TRIM64C: variants seen among roughly 807,000 people sequenced by gnomAD.
TRIM64C encodes the protein tripartite motif containing 64C, also known as tripartite motif-containing protein 64C.
In TRIM64C, 25 loss-of-function variants were observed where a neutral mutation model predicts 36.1. The observed-to-expected ratio is 0.69, with a 90% CI of 0.51 to 0.97. The LOEUF (loss-of-function observed/expected upper bound fraction) is 0.97. TRIM64C is among the 50% of genes least tolerant of loss of function. The pLI, the probability that TRIM64C is intolerant of heterozygous loss-of-function variation, is 0.00. For missense variants in TRIM64C, 489 were observed against 536.8 expected (o/e 0.91, Z 0.88); for synonymous variants, 212 against 185.7 (o/e 1.14, Z -1.15).
intron 3 of TRIM64C, among the ~76,000 whole-genome samples, chr11:49,056,751 C>T (rs1481658407): frequency 6.6e-6 from 1 of 151,864 alleles, no homozygotes; most frequent in Admixed American, 6.5e-5. Flanking sequence ...GCCGCTTTGA[C>T]AAACCTTGCC....
Position 49,056,310 on chromosome 11 carries a change from C to A in TRIM64C, c.761+49G>T, listed in dbSNP as rs766327060. 18 of 1,451,392 alleles carry A rather than the reference C, an allele frequency of 1.2e-5. No individual in the cohort carries two copies. In the East Asian group the frequency reaches 4.3e-4, roughly 34 times the overall value. The allele number at this position is 1,451,392 out of a possible 1,614,324, so 89.9% of individuals were successfully genotyped here. A position where few individuals can be genotyped will look rare whatever the true frequency, so the allele number is the denominator to read the frequency against. On this transcript the variant is annotated intron_variant, in intron 4 of 5. Transcript: ENST00000617704. Reference sequence around the variant, plus strand: ...AAAATGTATACATCCCCTTCATTCACAAGAGAACAAATTTTTCAGAAATAG... The same window carrying A: ...AAAATGTATACATCCCCTTCATTCAAAAGAGAACAAATTTTTCAGAAATAG...
In TRIM64C at chr11:49,057,377, T is replaced by C. The variant is rs1854825882; in HGVS notation, c.509A>G (p.Asp170Gly). ...QETSKFCSLV[D>G]YVSLRKVIIT... ...TATCACCTTCCTTAATGACACATAG[T>C]CCTGCAGAGACGTTTGGTTAAAAGG... Residue 170 changes from aspartate to glycine, a missense_variant and splice_region_variant, in exon 3 of 6, where the codon GAC (aspartate) becomes GGC (glycine). Asp to Gly is a moderately conservative substitution (Grantham distance 94). Coordinates refer to ENST00000617704, the MANE Select transcript of TRIM64C (RefSeq NM_001206631.1). 21 of 1,549,630 alleles carry C rather than the reference T, an allele frequency of 1.4e-5. No individual in the cohort carries two copies. Among genetic ancestry groups the C allele is most frequent in the Non-Finnish European group, 1.8e-5 (21 of 1,146,870 alleles).
At position 49,058,860 on chromosome 11, in the gene TRIM64C, T is replaced by G; in HGVS notation, c.253A>C (p.Ile85Leu). The G allele has an allele frequency of 6.5e-7, 1 of 1,549,742 alleles. No homozygotes were observed. The highest frequency in any genetic ancestry group is 8.7e-7 in the Non-Finnish European group (1 of 1,146,926). The change falls in exon 1 of 6, where the codon ATC becomes CTC. Residue 85 changes from isoleucine (I) to leucine (L), a missense_variant. Transcript: ENST00000617704. ...ACACAGATATTGTCTGAGCTGTTGA[T>G]GTTCTGAGGTCTGGTCTGTCTGGCT... is the stretch of plus-strand genomic sequence containing the variant. ...SLARQTRPQN[I>L]NSSDNICVLH...
intron 2 of TRIM64C, chr11:49,057,805 G>T (rs1004587803): frequency 1.9e-6 from 1 of 516,236 alleles, no homozygotes; most frequent in Non-Finnish European, 3.6e-6. Flanking sequence ...CTTAGTGAAA[G>T]GTTGTCTCAT....
chr11:49,056,337 A>T (rs767081421), intron 4 of TRIM64C, 22 bp downstream of exon 4: 3 of 1,527,716 alleles, frequency 2.0e-6, no homozygotes, highest in Non-Finnish European at 2.7e-6. Flanking sequence ...CAGAAATAGC[A>T]TTTTTTTTAG....
In TRIM64C at chr11:49,058,121, T is replaced by A. The variant is rs1228611895; in HGVS notation, c.464A>T (p.Gln155Leu). 2.6e-6 allele frequency: 4 copies of A among 1,528,834 alleles called. No homozygotes were observed. Among genetic ancestry groups the A allele is most frequent in the Non-Finnish European group, 3.5e-6 (4 of 1,144,514 alleles). 94.7% of individuals were successfully genotyped at this position (1,528,834 alleles called of 1,614,324 possible). The change falls in exon 2 of 6, where the codon CAA (glutamine) becomes CTA (leucine). Residue 155 changes from glutamine to leucine, a missense_variant. Transcript: ENST00000617704. ...GCTAGTTTCCTGATTTAGATTGTTT[T>A]GTGTCTCTTGATTGATTTTCCATAA... is the stretch of plus-strand genomic sequence containing the variant. ...DYLWKINQET[Q>L]NNLNQETSKF...
chr11:49,053,819 TC>T lies in TRIM64C; in HGVS notation c.1247del (p.Gly416AspfsTer3), dbSNP rs1253749086. 6.4e-7 allele frequency: 1 copy of T among 1,551,524 alleles called. No homozygotes were observed. Among genetic ancestry groups the T allele is most frequent in the East Asian group, 2.4e-5 (1 of 40,910 alleles). On this transcript the variant is annotated frameshift_variant, in exon 6 of 6. Transcript: ENST00000617704. LOFTEE classifies it low-confidence loss of function (END_TRUNC). ...WVGVFLDYDN[G>X]SVSFFDVSKG... Reference sequence around the variant, plus strand: ...TAGAAACATCAAAAAAACTCACAGATCCATTATCATAATCCAGAAACACCCC... The same window carrying T: ...TAGAAACATCAAAAAAACTCACAGATCATTATCATAATCCAGAAACACCCC...
Position 49,057,166 on chromosome 11 carries a change from A to C in TRIM64C, c.720T>G (p.Pro240=), listed in dbSNP as rs781383075. 1.2e-5 allele frequency: 18 copies of C among 1,549,296 alleles called. No homozygotes were observed. The South Asian group carries it at 2.0e-4, about 17-fold the overall frequency. ...TCCTCACCTGGAGCAGCTCCACGTC[A>C]GGCATGTGGTATGTCTCCCACAGCT... ...YRELWETYHM[P]DVELLQDVGN... Residue 240 remains proline (P), a synonymous_variant, in exon 3 of 6, where the codon CCT becomes CCG. Transcript: ENST00000617704.
intron 5 of TRIM64C, among the ~76,000 whole-genome samples, chr11:49,054,754 C>G (rs1343244766): frequency 1.3e-5 from 2 of 152,158 alleles, no homozygotes; most frequent in East Asian, 3.9e-4. Flanking sequence ...GACTTGCTCT[C>G]TAGAATGGGC....
rs1283127328 is a variant in TRIM64C at position 49,059,029 on chromosome 11, A to T, written c.84T>A (p.Thr28=). 1.9e-6 allele frequency: 3 copies of T among 1,552,176 alleles called. No homozygotes were observed. Among genetic ancestry groups the T allele is most frequent in the East Asian group, 2.4e-5 (1 of 41,074 alleles). The change falls in exon 1 of 6, where the codon ACT becomes ACA. Residue 28 remains threonine (T), a synonymous_variant. Coordinates refer to ENST00000617704, the MANE Select transcript of TRIM64C (RefSeq NM_001206631.1). The stretch of plus-strand genomic sequence containing the variant: ...GCCTGCAAAAGCTGTGCACACAGTC[A>T]GTGGTGACCGGGTCTATGAAGTAGT... ...CVNYFIDPVT[T]DCVHSFCRPC...
chr11:49,055,473 A>T (rs551851178), intron 4 of TRIM64C, 66 bp from the exon 5 acceptor site: 18 of 1,514,140 alleles, frequency 1.2e-5, no homozygotes, highest in Non-Finnish European at 1.6e-5. Flanking sequence ...TCATATGAAG[A>T]TATCATATTT....
chr11:49,059,038 C>A lies in TRIM64C; in HGVS notation c.75G>T (p.Pro25=). The change falls in exon 1 of 6, where the codon CCG becomes CCT. Residue 25 remains proline (P), a synonymous_variant. Coordinates refer to ENST00000617704, the MANE Select transcript of TRIM64C (RefSeq NM_001206631.1). Reference sequence around the variant, plus strand: ...AGCTGTGCACACAGTCAGTGGTGACCGGGTCTATGAAGTAGTTCACGCAAA... The same window carrying A: ...AGCTGTGCACACAGTCAGTGGTGACAGGGTCTATGAAGTAGTTCACGCAAA... ...CCICVNYFID[P]VTTDCVHSFC... 6.4e-7 allele frequency: 1 copy of A among 1,552,334 alleles called. No homozygotes were observed. Among genetic ancestry groups the A allele is most frequent in the African/African-American group, 1.4e-5 (1 of 72,600 alleles).
intron 2 of TRIM64C, chr11:49,057,638 T>G: frequency 1.9e-6 from 1 of 526,698 alleles, no homozygotes; most frequent in Non-Finnish European, 3.4e-6. Context: ...GTCAATTATT[T>G]CCTCTATTAA....
At position 49,053,928 on chromosome 11, in the gene TRIM64C, G is replaced by A. The variant is rs1854778968; in HGVS notation, c.1139C>T (p.Ser380Phe). The part of the protein sequence containing the change: ...IDSDKTFFSI[S>F]SKTSNHYSLS... The stretch of plus-strand genomic sequence containing the variant: ...ACTATAGTGATTGCTCGTCTTTGAA[G>A]AAATTGAAAAAAATGTTTTGTCAGA... Residue 380 changes from serine (S) to phenylalanine (F), a missense_variant, in exon 6 of 6, where the codon TCT (serine) becomes TTT (phenylalanine). Coordinates refer to ENST00000617704, the MANE Select transcript of TRIM64C (RefSeq NM_001206631.1). 1.3e-6 allele frequency: 2 copies of A among 1,551,430 alleles called. No individual in the cohort carries two copies. Among genetic ancestry groups the A allele is most frequent in the African/African-American group, 2.7e-5 (2 of 73,030 alleles).
chr11:49,055,247 C>T (rs1177396930), intron 5 of TRIM64C, 63 bp downstream of exon 5: 1 of 1,530,908 alleles, frequency 6.5e-7, no homozygotes, highest in Non-Finnish European at 8.7e-7. Flanking sequence ...TGGGAGAAGC[C>T]TCAACCAAGG....
chr11:49,057,076 G>T, intron 3 of TRIM64C, 72 bp downstream of exon 3: 2 of 1,520,998 alleles, frequency 1.3e-6, no homozygotes, highest in South Asian at 1.2e-5. Flanking sequence ...ATATGCTGAT[G>T]ACATTTGCAT....
chr11:49,053,885 T>C lies in TRIM64C; in HGVS notation c.1182A>G (p.Pro394=). The change falls in exon 6 of 6, where the codon CCA becomes CCG. Residue 394 remains proline (P), a synonymous_variant. Transcript: ENST00000617704. ...SNHYSLSTNS[P]PLIQYVQRPL... is the part of the protein sequence containing the mutation. ...GCCTTTGCACATACTGGATTAAAGG[T>C]GGAGAATTGGTGGAGAGACTATAGT... 2 of 1,551,682 alleles carry C rather than the reference T, an allele frequency of 1.3e-6. No homozygotes were observed. The highest frequency in any genetic ancestry group is 2.4e-5 in the South Asian group (2 of 84,044).
rs1368875784 is a variant in TRIM64C at position 49,053,978 on chromosome 11, T to A, written c.1089A>T (p.Thr363=). The change falls in exon 6 of 6, where the codon ACA becomes ACT. Residue 363 remains threonine, a synonymous_variant. Coordinates refer to ENST00000617704, the MANE Select transcript of TRIM64C (RefSeq NM_001206631.1). ...WILGVCRDSR[T]ADTNIVIDSD... is the part of the protein sequence containing the mutation. Reference sequence around the variant, plus strand: ...AATCAATAACTATATTGGTATCTGCTGTCCTAGAATCTCGACAGACTCCCA... The same window carrying A: ...AATCAATAACTATATTGGTATCTGCAGTCCTAGAATCTCGACAGACTCCCA... 6.4e-7 allele frequency: 1 copy of A among 1,551,628 alleles called. No homozygotes were observed. Among genetic ancestry groups the A allele is most frequent in the Admixed American group, 2.0e-5 (1 of 51,002 alleles).
chr11:49,058,302 T>A, intron 1 of TRIM64C, 130 bp from the exon 2 acceptor site: 1 of 698,652 alleles, frequency 1.4e-6, no homozygotes, highest in Non-Finnish European at 2.3e-6. Context: ...TTTTCCAAGT[T>A]AAACAAATAT....
Sources: gnomAD v4.1 joint callset for allele counts (sites outside exome capture counted in the v4.1 genomes callset) on GRCh38, gnomAD v4.1.1 for gene constraint, MANE v1.5 for transcripts, NCBI Gene and HGNC (gene_info 2026-07-23, HGNC 2026-07-21) for gene names.